Variants in VPS50 observed in about 807,000 individuals in gnomAD.
VPS50 encodes the protein VPS50 subunit of EARP/GARPII complex, also known as syndetin.
In VPS50, 70 loss-of-function variants were observed where a neutral mutation model predicts 139.7. The ratio of observed to expected loss-of-function variants is 0.50; its 90% CI spans 0.41 to 0.61. The LOEUF is 0.61. Among genes scored for constraint, VPS50 ranks in the 20% least tolerant of loss-of-function variants. VPS50 has a pLI of 0.00. For synonymous variants in VPS50, 365 were observed against 376.7 expected (o/e 0.97, Z 0.36); for missense variants, 921 against 1,133.7 (o/e 0.81, Z 2.69).
intron 16 of VPS50, among the ~76,000 whole-genome samples, chr7:93,298,380 A>G (rs1584441717): frequency 6.6e-6 from 1 of 152,302 alleles, no homozygotes; most frequent in Middle Eastern, 3.4e-3. Context: ...CTGGCCCTAT[A>G]AACATTCCTG....
chr7:93,277,758 T>G (rs1796202940), intron 12 of VPS50, among the ~76,000 whole-genome samples: 1 of 152,156 alleles, frequency 6.6e-6, no homozygotes, highest in Non-Finnish European at 1.5e-5. Flanking sequence ...AATTTTGTCT[T>G]TAAATGTTCA....
chr7:93,348,369 A>G (rs1309625572), intron 23 of VPS50, among the ~76,000 whole-genome samples: 1 of 152,210 alleles, frequency 6.6e-6, no homozygotes, highest in East Asian at 1.9e-4. Context: ...TTTAAAAGAA[A>G]TCCTTTAAAA....
At chr7:93,266,107 A>G (rs1345627315) in intron 9 of VPS50, among the ~76,000 whole-genome samples, 1 of 152,232 alleles carries the variant, frequency 6.6e-6, no homozygotes, top group Non-Finnish European at 1.5e-5. Context: ...CCACTGGAAT[A>G]GGCTCTGATT....
chr7:93,245,781 A>G (rs1220937884), intron 2 of VPS50, among the ~76,000 whole-genome samples: 1 of 151,912 alleles, frequency 6.6e-6, no homozygotes, highest in Non-Finnish European at 1.5e-5. Flanking sequence ...TAAAATGCAC[A>G]CAGAAACTGA....
chr7:93,279,659 C>G (rs1306444146), intron 12 of VPS50, among the ~76,000 whole-genome samples: 1 of 152,098 alleles, frequency 6.6e-6, no homozygotes, highest in African/African-American at 2.4e-5. Flanking sequence ...GCAGGAGAGT[C>G]CTCAAAACAT....
At chr7:93,237,196 T>A (rs1794835973) in intron 1 of VPS50, among the ~76,000 whole-genome samples, 2 of 151,834 alleles carry the variant, frequency 1.3e-5, no homozygotes, top group Non-Finnish European at 2.9e-5. Flanking sequence ...GACCTCGTGA[T>A]CCGCCCGCCT....
rs147620773 is a variant in VPS50 at position 93,255,461 on chromosome 7, G to T, written c.298-1048G>T. Among the ~76,000 whole-genome samples, 31 of 152,236 alleles carry T rather than the reference G, an allele frequency of 2.0e-4. 1 individual carries two copies. The East Asian group carries it at 5.8e-3, about 28-fold the overall frequency. ...CGGCTGTAAATACAGATGAAGCTTC[G>T]CTTGCTCACCTGCCACTCACTTCCT... On this transcript the variant is annotated intron_variant, in intron 4 of 27. Coordinates refer to ENST00000305866, the MANE Select transcript of VPS50 (RefSeq NM_017667.4).
chr7:93,248,819 A>C (rs973016629), intron 2 of VPS50, among the ~76,000 whole-genome samples: 3 of 152,180 alleles, frequency 2.0e-5, no homozygotes, highest in Non-Finnish European at 4.4e-5. Context: ...CTGCTAGTTC[A>C]GTGGGACTAA....
chr7:93,251,311 T>C (rs1027151617), intron 2 of VPS50, among the ~76,000 whole-genome samples: 2 of 151,974 alleles, frequency 1.3e-5, no homozygotes, highest in Admixed American at 1.3e-4. Context: ...ATAAAGAAAA[T>C]GTGGCACATA....
chr7:93,297,104 G>C (rs201235556), intron 15 of VPS50, 41 bp from the exon 16 acceptor site: 424 of 1,540,886 alleles, frequency 2.8e-4, no homozygotes, highest in Middle Eastern at 5.1e-4. Flanking sequence ...TTCTCTATAA[G>C]GCTGCTGCTG....
chr7:93,291,028 A>G (rs1214893764), intron 12 of VPS50, among the ~76,000 whole-genome samples: 2 of 152,106 alleles, frequency 1.3e-5, no homozygotes, highest in Non-Finnish European at 2.9e-5. Flanking sequence ...TGATGGAGCA[A>G]TTGCTGCATT....
intron 22 of VPS50, among the ~76,000 whole-genome samples, chr7:93,334,429 A>G (rs1249744785): frequency 6.6e-6 from 1 of 152,204 alleles, no homozygotes; most frequent in African/African-American, 2.4e-5. Flanking sequence ...CAAAGAAGAG[A>G]AAGGTTTATG....
chr7:93,242,278 C>T (rs538271286), intron 2 of VPS50, among the ~76,000 whole-genome samples: 28 of 151,776 alleles, frequency 1.8e-4, no homozygotes, highest in South Asian at 4.2e-4. Context: ...AGCGAGCTTA[C>T]ATTCAAGCAG....
chr7:93,328,936 T>C (rs560546976), intron 21 of VPS50, among the ~76,000 whole-genome samples: 1 of 152,028 alleles, frequency 6.6e-6, no homozygotes, highest in African/African-American at 2.4e-5. Context: ...AAAAAAAATA[T>C]AAACGGAGAC....
At chr7:93,306,990 G>A (rs907555875) in intron 18 of VPS50, among the ~76,000 whole-genome samples, 3 of 151,542 alleles carry the variant, frequency 2.0e-5, no homozygotes, top group African/African-American at 7.3e-5. Flanking sequence ...TGGCTTAACC[G>A]AGAGGAATTT....
chr7:93,286,166 G>T (rs1450147869), intron 12 of VPS50, among the ~76,000 whole-genome samples: 1 of 152,024 alleles, frequency 6.6e-6, no homozygotes. Context: ...GAAATATTTG[G>T]TAATTAAATT....
intron 2 of VPS50, among the ~76,000 whole-genome samples, chr7:93,242,062 G>C (rs917327687): frequency 1.3e-5 from 2 of 151,490 alleles, no homozygotes; most frequent in African/African-American, 4.8e-5. Flanking sequence ...CAGAAAACAT[G>C]GTAAACGGAA....
intron 21 of VPS50, among the ~76,000 whole-genome samples, chr7:93,329,840 G>T (rs1165092007): frequency 6.6e-6 from 1 of 152,018 alleles, no homozygotes; most frequent in Non-Finnish European, 1.5e-5. Context: ...GATACTTTTA[G>T]ATAAAAAGAA....
At chr7:93,290,794 G>T (rs1397717935) in intron 12 of VPS50, among the ~76,000 whole-genome samples, 1 of 151,906 alleles carries the variant, frequency 6.6e-6, no homozygotes, top group African/African-American at 2.4e-5. Context: ...TAGAGGGAGA[G>T]ATCATTATGG....
Sources: gnomAD v4.1 joint callset for allele counts (sites outside exome capture counted in the v4.1 genomes callset) on GRCh38, gnomAD v4.1.1 for gene constraint, MANE v1.5 for transcripts, NCBI Gene and HGNC (gene_info 2026-07-23, HGNC 2026-07-21) for gene names.